ANXA10: variants seen among roughly 807,000 people sequenced by gnomAD.
ANXA10 encodes annexin 14.
A neutral mutation model predicts 53.5 loss-of-function variants in ANXA10; 49 were observed. That is an observed-to-expected ratio of 0.92 (90% confidence interval 0.73 to 1.16). ANXA10 has a LOEUF of 1.16. ANXA10 is among the 50% of genes most tolerant of loss of function. ANXA10 has a pLI of 0.00. For missense variants in ANXA10, 393 were observed against 394.4 expected (o/e 1.00, Z 0.03); for synonymous variants, 131 against 128.9 (o/e 1.02, Z -0.11).
chr4:168,131,811 C>G lies in ANXA10; in HGVS notation c.100+3646C>G, dbSNP rs186867921. The stretch of plus-strand genomic sequence containing the variant: ...TTGTCTAAAATTAACATAGCTACTC[C>G]AACTTTCTTTTGATTGCATTTGCAT... On this transcript the variant is annotated intron_variant, in intron 2 of 11. Coordinates refer to ENST00000359299, the MANE Select transcript of ANXA10 (RefSeq NM_007193.5). Among the ~76,000 whole-genome samples the G allele has an allele frequency of 1.4e-4, 21 of 152,090 alleles. No individual in the cohort carries two copies. The East Asian group carries it at 4.1e-3, about 29-fold the overall frequency.
At chr4:168,171,096 T>C (rs1731976400) in intron 6 of ANXA10, among the ~76,000 whole-genome samples, 1 of 152,164 alleles carries the variant, frequency 6.6e-6, no homozygotes. Flanking sequence ...ATAAAGTGAA[T>C]AATGGGATTG....
At chr4:168,156,502 TG>T (rs1419016064) in intron 3 of ANXA10, among the ~76,000 whole-genome samples, 1 of 143,108 alleles carries the variant, frequency 7.0e-6, no homozygotes, top group Non-Finnish European at 1.5e-5. Flanking sequence ...TTTTTTGTTT[TG>T]TTTTGTTTTG....
In ANXA10 at chr4:168,177,741, G is replaced by A. The variant is rs752116805; in HGVS notation, c.482G>A (p.Gly161Glu). ...FRDTLMNLVQ[G>E]TREEGYTDPA... The stretch of plus-strand genomic sequence containing the variant: ...GGAAAACCTGTGCTTACTTTACAGG[G>A]GACCAGAGAGGAAGGATATACAGAC... The change falls in exon 7 of 12, where the codon GGG becomes GAG. Residue 161 changes from glycine (G) to glutamate (E), a missense_variant and splice_region_variant. Physicochemically the swap from Gly to Glu is moderately conservative, Grantham distance 98. Transcript: ENST00000359299. 1 of 1,614,076 alleles carries A rather than the reference G, an allele frequency of 6.2e-7. No individual in the cohort carries two copies. The highest frequency in any genetic ancestry group is 8.5e-7 in the Non-Finnish European group (1 of 1,179,986).
At chr4:168,128,050 A>AT (rs1731100701) in intron 1 of ANXA10, 34 bp from the exon 2 acceptor site, 2 of 1,557,714 alleles carry the variant, frequency 1.3e-6, no homozygotes, top group African/African-American at 2.7e-5. Flanking sequence ...AACATGAATT[A>AT]TTACAATCAC....
At chr4:168,170,015 G>A (rs1731953682) in intron 6 of ANXA10, among the ~76,000 whole-genome samples, 1 of 152,140 alleles carries the variant, frequency 6.6e-6, no homozygotes, top group South Asian at 2.1e-4. Context: ...GTGACTTTTG[G>A]ATGTAATAGG....
intron 3 of ANXA10, among the ~76,000 whole-genome samples, chr4:168,147,070 T>A (rs1446309096): frequency 6.6e-6 from 1 of 152,222 alleles, no homozygotes; most frequent in Non-Finnish European, 1.5e-5. Context: ...AGCAGCTTGC[T>A]GATTTCCCCA....
Position 168,139,567 on chromosome 4 carries a change from G to A in ANXA10, c.182G>A (p.Ser61Asn). The A allele has an allele frequency of 2.5e-6, 4 of 1,610,252 alleles. No homozygotes were observed. The highest frequency in any genetic ancestry group is 3.4e-6 in the Non-Finnish European group (4 of 1,177,074). ...ATGATGATTGCAGAGGCATACCAGAGCATGTATGGCCGGGTAAGGCCACTT... is the reference window on the plus strand; with the variant it reads ...ATGATGATTGCAGAGGCATACCAGAACATGTATGGCCGGGTAAGGCCACTT... ...QRMMIAEAYQ[S>N]MYGRDLIGDM... Residue 61 changes from serine to asparagine, a missense_variant, in exon 3 of 12, where the codon AGC (serine) becomes AAC (asparagine). Ser to Asn is a conservative substitution (Grantham distance 46). Transcript: ENST00000359299.
intron 2 of ANXA10, 152 bp from the exon 3 acceptor site, chr4:168,139,334 T>C (rs1221041314): frequency 5.4e-6 from 3 of 555,756 alleles, no homozygotes; most frequent in Non-Finnish European, 9.5e-6. Context: ...TCAAGCATCA[T>C]TACATGATTT....
chr4:168,121,535 A>G (rs1485313344), intron 1 of ANXA10, among the ~76,000 whole-genome samples: 1 of 152,170 alleles, frequency 6.6e-6, no homozygotes, highest in Non-Finnish European at 1.5e-5. Flanking sequence ...TTTAAAGTGA[A>G]TAGTTTAATT....
At chr4:168,110,431 AT>A (rs1259637947) in intron 1 of ANXA10, among the ~76,000 whole-genome samples, 1 of 146,032 alleles carries the variant, frequency 6.8e-6, no homozygotes, top group Non-Finnish European at 1.5e-5. Flanking sequence ...CAACATTTTT[AT>A]TTGTGTTAAT....
intron 3 of ANXA10, among the ~76,000 whole-genome samples, chr4:168,150,777 G>T (rs1731482777): frequency 6.6e-6 from 1 of 152,172 alleles, no homozygotes; most frequent in Non-Finnish European, 1.5e-5. Flanking sequence ...AACCCTCACT[G>T]CACATCCTCC....
At chr4:168,181,657 C>A in intron 9 of ANXA10, 26 bp from the exon 10 acceptor site, 1 of 1,571,306 alleles carries the variant, frequency 6.4e-7, no homozygotes. Context: ...CTCAATGTTT[C>A]TTCTTCTCTC....
intron 1 of ANXA10, among the ~76,000 whole-genome samples, chr4:168,117,015 T>C (rs1730905592): frequency 3.9e-5 from 1 of 25,556 alleles, no homozygotes; most frequent in Admixed American, 3.8e-4. Context: ...ACACACTATG[T>C]GGTGTTATTA....
rs1472841172 is a variant in ANXA10 at position 168,128,116 on chromosome 4, C to G, written c.51C>G (p.Phe17Leu). The G allele has an allele frequency of 6.2e-7, 1 of 1,613,576 alleles. No individual in the cohort carries two copies. Among genetic ancestry groups the G allele is most frequent in the Non-Finnish European group, 8.5e-7 (1 of 1,179,710 alleles). Reference protein sequence around the residue: ...VQGTIFPAPNFNPIMDAQMLG... With the variant: ...VQGTIFPAPNLNPIMDAQMLG... ...GAACCATCTTCCCAGCTCCCAATTT[C>G]AATCCCATAATGGATGCCCAAATGC... Residue 17 changes from phenylalanine to leucine, a missense_variant, in exon 2 of 12, where the codon TTC (phenylalanine) becomes TTG (leucine). Phe to Leu is a conservative substitution (Grantham distance 22, BLOSUM62 0). Coordinates refer to ENST00000359299, the MANE Select transcript of ANXA10 (RefSeq NM_007193.5).
chr4:168,116,032 G>A (rs1265014137), intron 1 of ANXA10, among the ~76,000 whole-genome samples: 1 of 152,030 alleles, frequency 6.6e-6, no homozygotes, highest in African/African-American at 2.4e-5. Context: ...TGAAAAGCAA[G>A]AAAAGGAAGG....
chr4:168,133,928 GAGA>G (rs1731194411), intron 2 of ANXA10, among the ~76,000 whole-genome samples: 1 of 151,426 alleles, frequency 6.6e-6, no homozygotes, highest in African/African-American at 2.4e-5. Flanking sequence ...AAAGCACTAG[GAGA>G]AGAAGGAGAA....
chr4:168,100,282 T>C (rs1460993752), intron 1 of ANXA10, among the ~76,000 whole-genome samples: 4 of 152,146 alleles, frequency 2.6e-5, no homozygotes, highest in East Asian at 3.8e-4. Context: ...AGCTTATTCT[T>C]CTCTCATCTG....
intron 2 of ANXA10, among the ~76,000 whole-genome samples, chr4:168,130,825 G>T (rs537832426): frequency 1.7e-4 from 26 of 151,274 alleles, no homozygotes; most frequent in Non-Finnish European, 8.9e-5. Flanking sequence ...TCTGATATTC[G>T]TAAGTTTTAT....
intron 1 of ANXA10, among the ~76,000 whole-genome samples, chr4:168,096,926 A>ATATATATATATGTATG (rs371811709): frequency 6.2e-5 from 8 of 129,898 alleles, no homozygotes; most frequent in Non-Finnish European, 3.2e-5. Flanking sequence ...ATATATATAT[A>ATATATATATATGTATG]TATGTATGTA....
Sources: gnomAD v4.1 joint callset for allele counts (sites outside exome capture counted in the v4.1 genomes callset) on GRCh38, gnomAD v4.1.1 for gene constraint, MANE v1.5 for transcripts, NCBI Gene and HGNC (gene_info 2026-07-23, HGNC 2026-07-21) for gene names.